The following PTPN4 variants were observed in gnomAD, a reference collection of about 807,000 sequenced individuals.
PTPN4 encodes protein tyrosine phosphatase non-receptor type 4, also known as tyrosine-protein phosphatase non-receptor type 4.
PTPN4 carries 49 observed loss-of-function variants against 135.5 expected under a neutral mutation model. The ratio of observed to expected loss-of-function variants is 0.36; its 90% CI spans 0.29 to 0.46. PTPN4 has a LOEUF of 0.46. Among genes scored for constraint, PTPN4 ranks in the 20% least tolerant of loss-of-function variants. The probability of loss-of-function intolerance (pLI) is 1.00; values close to 1 mark genes in which losing one functional copy is unlikely to be tolerated. For synonymous variants in PTPN4, 333 were observed against 369.9 expected, an observed-to-expected ratio of 0.90 and a Z score of 1.14; for missense variants, 860 against 1,101.0, an observed-to-expected ratio of 0.78 and a Z score of 3.10.
At chr2:119,852,004 G>A (rs1677599158) in intron 2 of PTPN4, among the ~76,000 whole-genome samples, 1 of 152,136 alleles carries the variant, frequency 6.6e-6, no homozygotes, top group Non-Finnish European at 1.5e-5. Flanking sequence ...ATTTTAGTAG[G>A]TTTTGGTCTG....
At chr2:119,972,381 T>G (rs1679549940) in intron 26 of PTPN4, among the ~76,000 whole-genome samples, 1 of 152,202 alleles carries the variant, frequency 6.6e-6, no homozygotes, top group African/African-American at 2.4e-5. Context: ...CTCAGTATTT[T>G]AGTATGTTTT....
chr2:119,901,220 G>A (rs747948850), intron 10 of PTPN4, among the ~76,000 whole-genome samples: 13 of 152,118 alleles, frequency 8.5e-5, no homozygotes, highest in Non-Finnish European at 1.6e-4. Flanking sequence ...GAGAAGCACC[G>A]AAGATCGCAG....
At position 119,793,512 on chromosome 2, in the gene PTPN4, C is replaced by T. The variant is rs559601975; in HGVS notation, c.-17-16325C>T. ...GCTCCTGAGGTGACACATACATCCT[C>T]AGCTTACAAAGATGATGGGATTAAG... On this transcript the variant is annotated intron_variant, in intron 1 of 26. Transcript: ENST00000263708. Among the ~76,000 whole-genome samples the T allele has an allele frequency of 2.0e-5, 3 of 152,258 alleles. No homozygotes were observed. The East Asian group carries it at 5.8e-4, about 29-fold the overall frequency.
At chr2:119,792,044 G>C (rs897791533) in intron 1 of PTPN4, among the ~76,000 whole-genome samples, 5 of 152,094 alleles carry the variant, frequency 3.3e-5, no homozygotes, top group East Asian at 3.9e-4. Flanking sequence ...CAGTTAACTT[G>C]TTTTCAAGTT....
intron 10 of PTPN4, among the ~76,000 whole-genome samples, chr2:119,905,173 A>C (rs774077964): frequency 1.3e-5 from 2 of 152,228 alleles, no homozygotes; most frequent in South Asian, 4.1e-4. Context: ...ATATGGTTTA[A>C]GTTCCCGTTA....
At chr2:119,765,015 C>T (rs541161220) in intron 1 of PTPN4, among the ~76,000 whole-genome samples, 2 of 152,138 alleles carry the variant, frequency 1.3e-5, no homozygotes, top group South Asian at 2.1e-4. Flanking sequence ...TCAAAAACCT[C>T]GGGCAAACTG....
chr2:119,821,814 A>C (rs1458467902), intron 2 of PTPN4, among the ~76,000 whole-genome samples: 1 of 152,140 alleles, frequency 6.6e-6, no homozygotes, highest in African/African-American at 2.4e-5. Context: ...CCCTAGACTT[A>C]ATTGATAGTT....
intron 10 of PTPN4, among the ~76,000 whole-genome samples, chr2:119,905,023 AG>A (rs1678464716): frequency 7.5e-6 from 1 of 132,456 alleles, no homozygotes; most frequent in African/African-American, 2.7e-5. Context: ...AAGGAGTCAA[AG>A]GTTATTACTA....
chr2:119,961,984 T>C (rs1679372709), intron 23 of PTPN4, among the ~76,000 whole-genome samples: 1 of 152,160 alleles, frequency 6.6e-6, no homozygotes, highest in Admixed American at 6.5e-5. Flanking sequence ...GTGGTGATGG[T>C]TGCACAGTTC....
rs997180453 is a variant in PTPN4 at position 119,979,724 on chromosome 2, T to A, written c.*2654T>A. 1.2e-4 allele frequency: 19 copies of A among 152,058 alleles called. No individual in the cohort carries two copies. Among genetic ancestry groups the A allele is most frequent in the African/African-American group, 4.6e-4 (19 of 41,428 alleles). The allele number at this position is 152,058 out of a possible 1,614,324, so 9.4% of individuals were successfully genotyped here. A position where few individuals can be genotyped will look rare whatever the true frequency, so the allele number is the denominator to read the frequency against. On this transcript the variant is annotated 3_prime_UTR_variant, in exon 27 of 27. Coordinates refer to ENST00000263708, the MANE Select transcript of PTPN4 (RefSeq NM_002830.4). ...TAACATTGTGTGATAAAATGCCAAA[T>A]GTCTTGTATCTAAGCTACGCTCCCA...
At chr2:119,777,990 C>A (rs1690868111) in intron 1 of PTPN4, among the ~76,000 whole-genome samples, 2 of 151,926 alleles carry the variant, frequency 1.3e-5, no homozygotes. Flanking sequence ...TATAAAAACT[C>A]TATAGAGACC....
intron 5 of PTPN4, among the ~76,000 whole-genome samples, chr2:119,879,881 T>G (rs1019101994): frequency 7.2e-5 from 11 of 152,104 alleles, no homozygotes; most frequent in African/African-American, 2.4e-4. Flanking sequence ...TTTAGCTATA[T>G]GAAAGTTGAC....
In PTPN4 at chr2:119,977,142, C is replaced by A; in HGVS notation, c.*72C>A. 2.8e-6 allele frequency: 4 copies of A among 1,413,136 alleles called. No homozygotes were observed. Among genetic ancestry groups the A allele is most frequent in the South Asian group, 1.8e-5 (1 of 56,626 alleles). 87.5% of individuals were successfully genotyped at this position (1,413,136 alleles called of 1,614,324 possible). A position where few individuals can be genotyped will look rare whatever the true frequency, so the allele number is the denominator to read the frequency against. ...ATGTTCACTGTGCCATAATGCTGCT[C>A]GCAGGAAATGGCATTTTACAAAAAA... On this transcript the variant is annotated 3_prime_UTR_variant, in exon 27 of 27. Coordinates refer to ENST00000263708, the MANE Select transcript of PTPN4 (RefSeq NM_002830.4).
At chr2:119,871,461 G>C (rs1677908803) in intron 3 of PTPN4, among the ~76,000 whole-genome samples, 1 of 152,038 alleles carries the variant, frequency 6.6e-6, no homozygotes, top group Admixed American at 6.6e-5. Flanking sequence ...CAGCTACCGG[G>C]GAGGCTGAGG....
At chr2:119,801,368 G>A (rs143062307) in intron 1 of PTPN4, among the ~76,000 whole-genome samples, 45 of 152,268 alleles carry the variant, frequency 3.0e-4, no homozygotes, top group African/African-American at 1.1e-3. Context: ...GATTACAGGC[G>A]TGAGTCACTG....
At chr2:119,916,640 A>G (rs1678657348) in intron 11 of PTPN4, 1 of 152,204 alleles carries the variant, frequency 6.6e-6, no homozygotes, top group South Asian at 2.1e-4. Flanking sequence ...GATGCTTGAA[A>G]TGTTGCTGCT....
rs1458840731 is a variant in PTPN4, at chr2:119,775,385, G to T, written c.-18+15001G>T. Among the ~76,000 whole-genome samples, 3 of 152,270 alleles carry T rather than the reference G, an allele frequency of 2.0e-5. No homozygotes were observed. In the East Asian group the frequency reaches 5.8e-4, roughly 29 times the overall value. On this transcript the variant is annotated intron_variant, in intron 1 of 26. Transcript: ENST00000263708. ...ATTTGTGCTTTGTCCCTGAAGTCAG[G>T]AACTACCTTGCCAGTAAGGGACTGC...
At chr2:119,872,063 T>C (rs1167934819) in intron 3 of PTPN4, among the ~76,000 whole-genome samples, 1 of 152,224 alleles carries the variant, frequency 6.6e-6, no homozygotes, top group Admixed American at 6.5e-5. Flanking sequence ...TGAACCCCAC[T>C]AGTTCTCCAG....
At chr2:119,855,851 T>C (rs1677669032) in intron 2 of PTPN4, among the ~76,000 whole-genome samples, 1 of 152,138 alleles carries the variant, frequency 6.6e-6, no homozygotes. Flanking sequence ...TTGCCCAGGC[T>C]GGAGTGCAGT....
Sources: gnomAD v4.1 joint callset for allele counts (sites outside exome capture counted in the v4.1 genomes callset) on GRCh38, gnomAD v4.1.1 for gene constraint, MANE v1.5 for transcripts, NCBI Gene and HGNC (gene_info 2026-07-23, HGNC 2026-07-21) for gene names.